Variants in ZNF28 observed in about 807,000 individuals in gnomAD.
ZNF28 encodes the protein zinc finger protein KOX24.
ZNF28 carries 5 observed loss-of-function variants against 7.2 expected under a neutral mutation model. The observed-to-expected ratio is 0.70, with a 90% CI of 0.36 to 1.46. The LOEUF is 1.46. ZNF28 is among the 40% of genes most tolerant of loss of function. The probability of loss-of-function intolerance (pLI) is 0.03; values close to 1 mark genes in which losing one functional copy is unlikely to be tolerated. For synonymous variants in ZNF28, 288 were observed against 292.4 expected (o/e 0.99, Z 0.15); for missense variants, 879 against 866.6 (o/e 1.01, Z -0.18).
chr19:52,799,558 C>A lies in ZNF28; in HGVS notation c.*130G>T. 6.7e-7 allele frequency: 1 copy of A among 1,502,702 alleles called. No homozygotes were observed. The highest frequency in any genetic ancestry group is 2.3e-5 in the East Asian group (1 of 44,298). The allele number at this position is 1,502,702 out of a possible 1,614,324, so 93.1% of individuals were successfully genotyped here. On this transcript the variant is annotated 3_prime_UTR_variant, in exon 4 of 4. Coordinates refer to ENST00000457749, the MANE Select transcript of ZNF28 (RefSeq NM_006969.5). ...CCAGTATGAATGGCTTTGTGACTTA[C>A]AAGGGTTGAATTGTGATGGAAGGTG...
Position 52,798,908 on chromosome 19 carries a change from A to C in ZNF28, c.*780T>G. On this transcript the variant is annotated 3_prime_UTR_variant, in exon 4 of 4. Coordinates refer to ENST00000457749, the MANE Select transcript of ZNF28 (RefSeq NM_006969.5). ...GTGAATAAGTGGTGACTGCCCACTAAAGGCTTTGCCACACTCATTGCACTT... is the reference window on the plus strand; with the variant it reads ...GTGAATAAGTGGTGACTGCCCACTACAGGCTTTGCCACACTCATTGCACTT... 7.0e-7 allele frequency: 1 copy of C among 1,436,982 alleles called. No homozygotes were observed. The highest frequency in any genetic ancestry group is 1.9e-5 in the Admixed American group (1 of 53,458). The allele number at this position is 1,436,982 out of a possible 1,614,324, so 89.0% of individuals were successfully genotyped here. A position where few individuals can be genotyped will look rare whatever the true frequency, so the allele number is the denominator to read the frequency against.
At position 52,801,157 on chromosome 19, in the gene ZNF28, A is replaced by C; in HGVS notation, c.688T>G (p.Leu230Val). The C allele has an allele frequency of 6.2e-7, 1 of 1,614,090 alleles. No individual in the cohort carries two copies. Among genetic ancestry groups the C allele is most frequent in the East Asian group, 2.2e-5 (1 of 44,878 alleles). The change falls in exon 4 of 4, where the codon TTA becomes GTA. Residue 230 changes from leucine to valine, a missense_variant. Leu to Val is a conservative substitution (Grantham distance 32). Coordinates refer to ENST00000457749, the MANE Select transcript of ZNF28 (RefSeq NM_006969.5). The part of the protein sequence containing the change: ...SGKSFNCSSL[L>V]KKHQITHLEE... ...AAGTGGGTTATCTGATGTTTTTTTA[A>C]AAGTGAGCTACAATTAAAGGATTTG...
rs1391998902 is a variant in ZNF28, at chr19:52,812,252, C to T, written c.16-4119G>A. Among the ~76,000 whole-genome samples the T allele has an allele frequency of 1.4e-4, 19 of 138,800 alleles. 1 individual carries two copies. The highest frequency in any genetic ancestry group is 4.6e-4 in the South Asian group (2 of 4,302). The allele number at this position is 138,800 out of a possible 152,430, so 91.1% of individuals were successfully genotyped here. A position where few individuals can be genotyped will look rare whatever the true frequency, so the allele number is the denominator to read the frequency against. Reference sequence around the variant, plus strand: ...GAGCCCCTCTGCCCGGCCACGACCCCGTCTGGGAGGTGTGCCCAGCGGCTC... The same window carrying T: ...GAGCCCCTCTGCCCGGCCACGACCCTGTCTGGGAGGTGTGCCCAGCGGCTC... On this transcript the variant is annotated intron_variant, in intron 2 of 3. Transcript: ENST00000457749.
chr19:52,811,083 G>A (rs1462598590), intron 2 of ZNF28, among the ~76,000 whole-genome samples: 17 of 149,676 alleles, frequency 1.1e-4, no homozygotes, highest in East Asian at 2.0e-4. Flanking sequence ...TGGTGGAGAC[G>A]GGGTTTCGCT....
chr19:52,820,204 G>A (rs2063177889), intron 1 of ZNF28, among the ~76,000 whole-genome samples: 1 of 108,736 alleles, frequency 9.2e-6, no homozygotes, highest in African/African-American at 4.0e-5. Context: ...TGCAAGCTCT[G>A]CTTCCCGGGT....
chr19:52,810,261 G>A (rs2063001653), intron 2 of ZNF28: 2 of 1,352,294 alleles, frequency 1.5e-6, no homozygotes, highest in Admixed American at 3.4e-5. Context: ...AGGCAATGCT[G>A]GCCCAGTGAT....
In ZNF28 at chr19:52,800,494, G is replaced by A. The variant is rs750118883; in HGVS notation, c.1351C>T (p.Gln451Ter). The A allele has an allele frequency of 2.5e-6, 4 of 1,612,042 alleles. No homozygotes were observed. The highest frequency in any genetic ancestry group is 1.3e-5 in the African/African-American group (1 of 74,358). ...CTATGATGGCGTGCAAGAGTTGATTGTTGATTAAAAACCTTGCCACATTCA... is the reference window on the plus strand; with the variant it reads ...CTATGATGGCGTGCAAGAGTTGATTATTGATTAAAAACCTTGCCACATTCA... ...CNECGKVFNQ[Q>*]STLARHHRLH... The change falls in exon 4 of 4, where the codon CAA becomes TAA. Residue 451 changes from glutamine (Q) to a stop codon, truncating the protein, a stop_gained. Coordinates refer to ENST00000457749, the MANE Select transcript of ZNF28 (RefSeq NM_006969.5). LOFTEE classifies it low-confidence loss of function (END_TRUNC).
In ZNF28 at chr19:52,801,071, A is replaced by C. The variant is rs773181207; in HGVS notation, c.774T>G (p.Leu258=). The part of the protein sequence containing the change: ...YGKVFNQKRY[L]ACHRRSHIDE... ...CAATGTGAGATCTACGATGGCATGC[A>C]AGGTATCGCTTCTGATTAAATACCT... The change falls in exon 4 of 4, where the codon CTT becomes CTG. Residue 258 remains leucine, a synonymous_variant. Coordinates refer to ENST00000457749, the MANE Select transcript of ZNF28 (RefSeq NM_006969.5). The C allele has an allele frequency of 1.6e-5, 26 of 1,614,054 alleles. No homozygotes were observed. The highest frequency in any genetic ancestry group is 2.2e-5 in the Non-Finnish European group (26 of 1,180,040).
chr19:52,814,130 GAACTGACAGT>G (rs1177516093), intron 2 of ZNF28, among the ~76,000 whole-genome samples: 2 of 146,796 alleles, frequency 1.4e-5, no homozygotes, highest in East Asian at 4.0e-4. Context: ...ACCTGGCACA[GAACTGACAGT>G]AACGGCTCCC....
Position 52,819,737 on chromosome 19 carries a change from A to C in ZNF28, c.-73-1706T>G, listed in dbSNP as rs1357578152. Among the ~76,000 whole-genome samples, 3 of 143,508 alleles carry C rather than the reference A, an allele frequency of 2.1e-5. 1 individual carries two copies. The highest frequency in any genetic ancestry group is 1.4e-4 in the Admixed American group (2 of 14,384). 94.1% of individuals were successfully genotyped at this position (143,508 alleles called of 152,430 possible). A position where few individuals can be genotyped will look rare whatever the true frequency, so the allele number is the denominator to read the frequency against. ...ATCCCATCCTTAAAATTAGAGAAGC[A>C]TCTTTCACATGCCTGGGTTAAAGAA... On this transcript the variant is annotated intron_variant, in intron 1 of 3. Coordinates refer to ENST00000457749, the MANE Select transcript of ZNF28 (RefSeq NM_006969.5).
At chr19:52,811,232 C>T (rs1482440764) in intron 2 of ZNF28, among the ~76,000 whole-genome samples, 2 of 151,440 alleles carry the variant, frequency 1.3e-5, no homozygotes, top group African/African-American at 2.4e-5. Flanking sequence ...GGCGTGATCT[C>T]GGCTCACTAC....
chr19:52,820,684 A>T (rs1346465566), intron 1 of ZNF28, among the ~76,000 whole-genome samples: 1 of 151,792 alleles, frequency 6.6e-6, no homozygotes, highest in Non-Finnish European at 1.5e-5. Flanking sequence ...GAGCCTCCAC[A>T]TTTCTGCCCC....
At position 52,799,856 on chromosome 19, in the gene ZNF28, G is replaced by C. The variant is rs2062838708; in HGVS notation, c.1989C>G (p.Tyr663Ter). The C allele has an allele frequency of 6.2e-7, 1 of 1,610,298 alleles. No homozygotes were observed. Among genetic ancestry groups the C allele is most frequent in the Non-Finnish European group, 8.5e-7 (1 of 1,178,994 alleles). The stretch of plus-strand genomic sequence containing the variant: ...AAACCTTGCCACATTCATTACACTT[G>C]TAAGGTTTCTCTCCACTATGAAGCC... ...HHRLHSGEKP[Y>*]KCNECGKVFN... The change falls in exon 4 of 4, where the codon TAC becomes TAG. Residue 663 changes from tyrosine (Y) to a stop codon, truncating the protein, a stop_gained. Transcript: ENST00000457749. LOFTEE classifies it low-confidence loss of function (END_TRUNC).
intron 3 of ZNF28, among the ~76,000 whole-genome samples, chr19:52,804,955 T>C (rs1254193606): frequency 6.6e-6 from 1 of 152,192 alleles, no homozygotes; most frequent in Non-Finnish European, 1.5e-5. Context: ...AGCCATCTAA[T>C]AGCACTAACA....
At chr19:52,811,848 AC>A (rs2063049290) in intron 2 of ZNF28, among the ~76,000 whole-genome samples, 2 of 127,472 alleles carry the variant, frequency 1.6e-5, no homozygotes, top group African/African-American at 6.2e-5. Context: ...GGAAGTGAGG[AC>A]CCCTCTGCCC....
At chr19:52,810,684 G>T (rs1431588978) in intron 2 of ZNF28, 1 of 850,488 alleles carries the variant, frequency 1.2e-6, no homozygotes, top group Non-Finnish European at 2.0e-6. Context: ...GGGCTAGAGC[G>T]ACATCACGGT....
intron 2 of ZNF28, chr19:52,814,241 C>T (rs1600474024): frequency 6.9e-6 from 1 of 145,782 alleles, no homozygotes. Flanking sequence ...TGGAGCGTTA[C>T]CACCAAACAA....
chr19:52,810,043 C>T lies in ZNF28; in HGVS notation c.16-1910G>A, dbSNP rs191012282. 4.2e-4 allele frequency: 313 copies of T among 737,968 alleles called. 1 individual carries two copies. The African/African-American group carries it at 4.9e-3, about 12-fold the overall frequency. 45.7% of individuals were successfully genotyped at this position (737,968 alleles called of 1,614,324 possible). A position where few individuals can be genotyped will look rare whatever the true frequency, so the allele number is the denominator to read the frequency against. On this transcript the variant is annotated intron_variant, in intron 2 of 3. Coordinates refer to ENST00000457749, the MANE Select transcript of ZNF28 (RefSeq NM_006969.5). ...GAGCCCGAAGAGGAGCCGCTCCAGC[C>T]CCGCGCCCCATGCCTGGGAGCTCCA...
intron 3 of ZNF28, among the ~76,000 whole-genome samples, chr19:52,803,311 C>A (rs1035578998): frequency 1.3e-5 from 2 of 151,614 alleles, no homozygotes; most frequent in African/African-American, 2.4e-5. Context: ...GAACTCCTGA[C>A]CTCAGATGAT....
Sources: allele counts gnomAD v4.1 joint callset (sites outside exome capture counted in the v4.1 genomes callset), GRCh38; gene constraint gnomAD v4.1.1; transcripts MANE v1.5; gene names NCBI Gene and HGNC (gene_info 2026-07-23, HGNC 2026-07-21).